ATF2: variants seen among roughly 807,000 people sequenced by gnomAD.
ATF2 encodes the protein activating transcription factor 2.
Under a neutral mutation model 60.6 loss-of-function variants are expected in ATF2, and 24 were observed. That is an observed-to-expected ratio of 0.40 (90% confidence interval 0.29 to 0.56). ATF2 has a LOEUF of 0.56. Ranked by LOEUF, ATF2 falls within the 20% of genes least tolerant of loss-of-function variation. The pLI is 0.54. For synonymous variants in ATF2, 206 were observed against 215.4 expected, an observed-to-expected ratio of 0.96 and a Z score of 0.38; for missense variants, 433 against 607.7, an observed-to-expected ratio of 0.71 and a Z score of 3.02.
intron 12 of ATF2, among the ~76,000 whole-genome samples, chr2:175,085,747 A>G (rs1694127378): frequency 6.6e-6 from 1 of 152,178 alleles, no homozygotes; most frequent in Non-Finnish European, 1.5e-5. Flanking sequence ...AGATGCCAGT[A>G]GCTAGGAAAG....
chr2:175,113,375 G>A (rs912079712), intron 9 of ATF2, among the ~76,000 whole-genome samples: 7 of 151,216 alleles, frequency 4.6e-5, no homozygotes, highest in African/African-American at 7.3e-5. Context: ...TACCTCAGCC[G>A]CCCAATACGC....
At chr2:175,087,419 T>G (rs370073105) in intron 12 of ATF2, among the ~76,000 whole-genome samples, 2 of 152,314 alleles carry the variant, frequency 1.3e-5, no homozygotes, top group South Asian at 2.1e-4. Context: ...TCTAATAATG[T>G]GGCTACTCAA....
At chr2:175,126,102 T>C (rs1697312420) in intron 4 of ATF2, among the ~76,000 whole-genome samples, 1 of 152,216 alleles carries the variant, frequency 6.6e-6, no homozygotes, top group Non-Finnish European at 1.5e-5. Flanking sequence ...TGCCCCTTCA[T>C]TGAAAGCTAC....
chr2:175,154,234 A>AAAAAATAT (rs59907964), intron 1 of ATF2, among the ~76,000 whole-genome samples: 2 of 131,626 alleles, frequency 1.5e-5, no homozygotes, highest in East Asian at 2.2e-4. Context: ...AGAAAAAAAA[A>AAAAAATAT]ATATATATAT....
intron 9 of ATF2, among the ~76,000 whole-genome samples, chr2:175,113,493 A>AC (rs1279091381): frequency 6.6e-6 from 1 of 151,982 alleles, no homozygotes; most frequent in African/African-American, 2.4e-5. Context: ...TATTTAACAC[A>AC]CCCCTCAAAA....
Position 175,097,477 on chromosome 2 carries a change from T to C in ATF2, c.945A>G (p.Leu315=), listed in dbSNP as rs762661352. The stretch of plus-strand genomic sequence containing the variant: ...CTGTAGTGGATGTGGCTGGCTGTTG[T>C]AATGACTGCGGTCGAGATTCCTCTG... The part of the protein sequence containing the change: ...TQSEESRPQS[L]QQPATSTTET... The change falls in exon 11 of 14, where the codon TTA becomes TTG. Residue 315 remains leucine, a synonymous_variant. Coordinates refer to ENST00000264110, the MANE Select transcript of ATF2 (RefSeq NM_001880.4). 10 of 1,614,156 alleles carry C rather than the reference T, an allele frequency of 6.2e-6. No individual in the cohort carries two copies. The highest frequency in any genetic ancestry group is 2.2e-5 in the East Asian group (1 of 44,880).
intron 1 of ATF2, among the ~76,000 whole-genome samples, chr2:175,158,519 A>T (rs1699825686): frequency 6.6e-6 from 1 of 152,178 alleles, no homozygotes; most frequent in African/African-American, 2.4e-5. Context: ...TGGATATTTT[A>T]AATGGATAAT....
At chr2:175,125,194 G>GTGTGAAAAAGCAATCT (rs1272790547) in intron 4 of ATF2, among the ~76,000 whole-genome samples, 1 of 151,988 alleles carries the variant, frequency 6.6e-6, no homozygotes, top group Admixed American at 6.6e-5. Flanking sequence ...TAAAAAGACT[G>GTGTGAAAAAGCAATCT]TGTGAAAAAG....
In ATF2 at chr2:175,114,847, C is replaced by T; in HGVS notation, c.469G>A (p.Ala157Thr). Residue 157 changes from alanine to threonine, a missense_variant, in exon 8 of 14, where the codon GCA becomes ACA. By Grantham distance (58) the Ala-to-Thr change is moderately conservative. Around this residue, in one of 5 missense-constraint regions of ATF2, gnomAD observed 246 missense variants for 309.3 expected, o/e 0.80. Coordinates refer to ENST00000264110, the MANE Select transcript of ATF2 (RefSeq NM_001880.4). ...DEKEVPLAQT[A>T]QPTSAIVRPA... ...CGAACAATAGCTGATGTGGGCTGTG[C>T]AGTTTGTGCCAATGGTACTTCCTAT... 1 of 1,613,296 alleles carries T rather than the reference C, an allele frequency of 6.2e-7. No individual in the cohort carries two copies. Among genetic ancestry groups the T allele is most frequent in the South Asian group, 1.1e-5 (1 of 90,996 alleles).
chr2:175,080,591 C>T (rs544423455), intron 13 of ATF2, 69 bp downstream of exon 13: 8 of 1,134,582 alleles, frequency 7.1e-6, no homozygotes, highest in Non-Finnish European at 1.0e-5. Context: ...TTTAAAGTAG[C>T]AGCTCAGTTC....
intron 12 of ATF2, among the ~76,000 whole-genome samples, chr2:175,090,311 T>C (rs1694459050): frequency 6.6e-6 from 1 of 152,176 alleles, no homozygotes; most frequent in South Asian, 2.1e-4. Context: ...TTGAGGTTCA[T>C]CTACACTGTA....
rs73973698 is a variant in ATF2 at position 175,133,836 on chromosome 2, A to G, written c.32+2576T>C. ...CCATAAAAGAAAAGATTGATAAAAC[A>G]GATTTTACTCTACATAGTGCATTTT... On this transcript the variant is annotated intron_variant, in intron 3 of 13. Coordinates refer to ENST00000264110, the MANE Select transcript of ATF2 (RefSeq NM_001880.4). Among the ~76,000 whole-genome samples, 164 of 152,292 alleles carry G rather than the reference A, an allele frequency of 1.1e-3. 1 individual carries two copies. The highest frequency in any genetic ancestry group is 3.9e-3 in the African/African-American group (161 of 41,570).
chr2:175,127,539 G>C (rs1245405067), intron 4 of ATF2, among the ~76,000 whole-genome samples: 1 of 152,124 alleles, frequency 6.6e-6, no homozygotes, highest in Non-Finnish European at 1.5e-5. Flanking sequence ...TCACTGCTCA[G>C]TGAATAAAAC....
intron 3 of ATF2, among the ~76,000 whole-genome samples, chr2:175,134,378 C>T (rs1367476551): frequency 6.6e-6 from 1 of 151,558 alleles, no homozygotes; most frequent in Non-Finnish European, 1.5e-5. Flanking sequence ...TATTGAGGAA[C>T]AACTGTATAT....
At chr2:175,136,294 G>T in intron 3 of ATF2, 118 bp downstream of exon 3, 1 of 953,038 alleles carries the variant, frequency 1.0e-6, no homozygotes, top group Non-Finnish European at 1.7e-6. Context: ...CTAAGTAAGT[G>T]ACTTGTTTTG....
At position 175,129,261 on chromosome 2, in the gene ATF2, C is replaced by A. The variant is rs376585285; in HGVS notation, c.102+877G>T. 6.6e-5 allele frequency among the ~76,000 whole-genome samples: 10 copies of A among 151,994 alleles called. No homozygotes were observed. In the South Asian group the frequency reaches 1.7e-3, roughly 25 times the overall value. On this transcript the variant is annotated intron_variant, in intron 4 of 13. Transcript: ENST00000264110. ...TATACAAAATTCTGGAAAATGCAAA[C>A]AAATCTACAGTAACAGAAGGCAGAC...
At position 175,118,253 on chromosome 2, in the gene ATF2, T is replaced by C. The variant is rs1309642618; in HGVS notation, c.316A>G (p.Lys106Glu). ...TAAATTTCATGGTTACAACATACTTTTTTAATGTCATCTTCTGAAGCTTTC... is the reference window on the plus strand; with the variant it reads ...TAAATTTCATGGTTACAACATACTTCTTTAATGTCATCTTCTGAAGCTTTC... ...FKKASEDDIK[K>E]MPLDLSPLAT... The change falls in exon 6 of 14, where the codon AAA (lysine) becomes GAA (glutamate). Residue 106 changes from lysine (K) to glutamate (E), a missense_variant and splice_region_variant. Physicochemically the swap from Lys to Glu is moderately conservative, Grantham distance 56. This residue lies in a region of ATF2 where 246 missense variants were observed against 309.3 expected (regional missense o/e 0.80). Coordinates refer to ENST00000264110, the MANE Select transcript of ATF2 (RefSeq NM_001880.4). 1.2e-6 allele frequency: 2 copies of C among 1,606,440 alleles called. No individual in the cohort carries two copies. The highest frequency in any genetic ancestry group is 8.5e-7 in the Non-Finnish European group (1 of 1,176,694).
intron 2 of ATF2, among the ~76,000 whole-genome samples, chr2:175,140,521 G>T (rs1698430290): frequency 6.6e-6 from 1 of 152,102 alleles, no homozygotes; most frequent in South Asian, 2.1e-4. Flanking sequence ...AGGGGCATGA[G>T]AAAACTTTTG....
intron 4 of ATF2, 112 bp from the exon 5 acceptor site, chr2:175,121,652 G>A: frequency 1.3e-6 from 1 of 751,182 alleles, no homozygotes; most frequent in Non-Finnish European, 2.1e-6. Flanking sequence ...CAGTGAAATA[G>A]CAGTTTTTAA....
Sources: allele counts gnomAD v4.1 joint callset (sites outside exome capture counted in the v4.1 genomes callset), GRCh38; gene constraint gnomAD v4.1.1; regional missense constraint gnomAD v4.1.1; transcripts MANE v1.5; gene names NCBI Gene and HGNC (gene_info 2026-07-23, HGNC 2026-07-21).